The following LCORL variants were observed in gnomAD, a reference collection of about 807,000 sequenced individuals.
LCORL encodes ligand-dependent nuclear receptor corepressor-like protein.
In LCORL, 41 loss-of-function variants were observed where a neutral mutation model predicts 141.8. The ratio of observed to expected loss-of-function variants is 0.29; its 90% CI spans 0.23 to 0.38. The LOEUF is 0.38. Ranked by LOEUF, LCORL falls within the 10% of genes least tolerant of loss-of-function variation. The pLI, the probability that LCORL is intolerant of heterozygous loss-of-function variation, is 1.00. For missense variants in LCORL, 1,759 were observed against 2,035.0 expected, an observed-to-expected ratio of 0.86 and a Z score of 2.61; for synonymous variants, 618 against 694.1, an observed-to-expected ratio of 0.89 and a Z score of 1.72.
intron 2 of LCORL, among the ~76,000 whole-genome samples, chr4:17,967,830 T>A (rs11932000): frequency 0.074 from 11,314 of 152,104 alleles, 1,435 homozygotes; most frequent in African/African-American, 0.26. Context: ...TTAGTTTTAA[T>A]TGCCATTTGC....
At chr4:17,887,835 T>G (rs1015034728) in intron 5 of LCORL, among the ~76,000 whole-genome samples, 2 of 152,060 alleles carry the variant, frequency 1.3e-5, no homozygotes, top group African/African-American at 4.8e-5. Context: ...GCTATGCTAT[T>G]TCTCGTTTCT....
chr4:17,954,128 A>C (rs1039923169), intron 4 of LCORL, among the ~76,000 whole-genome samples: 1 of 152,316 alleles, frequency 6.6e-6, no homozygotes. Context: ...GCGCTACTGC[A>C]CTCCAGCCTG....
chr4:17,954,267 A>G (rs1560398240), intron 4 of LCORL, among the ~76,000 whole-genome samples: 1 of 152,230 alleles, frequency 6.6e-6, no homozygotes, highest in Non-Finnish European at 1.5e-5. Flanking sequence ...GGAGAGAGGC[A>G]ATATTTGATG....
intron 4 of LCORL, among the ~76,000 whole-genome samples, chr4:17,927,551 T>C (rs117326552): frequency 6.6e-6 from 1 of 152,322 alleles, no homozygotes; most frequent in East Asian, 1.9e-4. Context: ...TTATAGCTTT[T>C]GATTTAAAAT....
chr4:17,893,542 A>G (rs1031792110), intron 5 of LCORL: 2 of 985,230 alleles, frequency 2.0e-6, no homozygotes, highest in Admixed American at 6.1e-5. Flanking sequence ...TCTTCAGAAA[A>G]TGGTTTGGAA....
At chr4:17,892,823 A>G (rs2109257470) in intron 5 of LCORL, among the ~76,000 whole-genome samples, 1 of 152,310 alleles carries the variant, frequency 6.6e-6, no homozygotes, top group Admixed American at 6.5e-5. Flanking sequence ...AAAAGGTTTC[A>G]AGTCAGTACC....
exon 7 of LCORL, chr4:17,878,192 T>C: frequency 8.1e-7 from 1 of 1,229,624 alleles, no homozygotes; most frequent in Non-Finnish European, 1.0e-6. Context: ...TAGCTTCCTC[T>C]GATTTTGCAT....
At chr4:17,994,908 G>A (rs1042086268) in intron 1 of LCORL, among the ~76,000 whole-genome samples, 5 of 151,798 alleles carry the variant, frequency 3.3e-5, no homozygotes, top group Non-Finnish European at 7.4e-5. Context: ...CCTGGTCCAT[G>A]CTAGGCACTC....
chr4:17,982,571 T>G (rs1198744295), intron 1 of LCORL, among the ~76,000 whole-genome samples: 1 of 152,252 alleles, frequency 6.6e-6, no homozygotes, highest in East Asian at 1.9e-4. Flanking sequence ...CATGCACACC[T>G]TCTTTTGAAA....
intron 4 of LCORL, among the ~76,000 whole-genome samples, chr4:17,925,000 C>A (rs1734897396): frequency 6.6e-6 from 1 of 152,166 alleles, no homozygotes; most frequent in African/African-American, 2.4e-5. Flanking sequence ...TCACCATCAC[C>A]CCTAGTGATC....
At position 17,999,550 on chromosome 4, in the gene LCORL, G is replaced by C. The variant is rs564188131; in HGVS notation, c.154+22048C>G. Reference sequence around the variant, plus strand: ...TTATGGGACCACCCTCTTATATGTGGTCTGTTGTTGACCAAAATGTCTTTA... The same window carrying C: ...TTATGGGACCACCCTCTTATATGTGCTCTGTTGTTGACCAAAATGTCTTTA... On this transcript the variant is annotated intron_variant, in intron 1 of 7. Coordinates refer to ENST00000635767, the Ensembl canonical transcript of LCORL. Among the ~76,000 whole-genome samples, 275 of 152,182 alleles carry C rather than the reference G, an allele frequency of 1.8e-3. 1 individual carries two copies. The highest frequency in any genetic ancestry group is 6.5e-3 in the African/African-American group (268 of 41,502).
intron 1 of LCORL, among the ~76,000 whole-genome samples, chr4:17,975,718 C>G (rs140420943): frequency 3.9e-5 from 6 of 152,158 alleles, no homozygotes; most frequent in African/African-American, 1.4e-4. Flanking sequence ...GTACAAGATT[C>G]TTTGTGGTTG....
At chr4:17,945,585 C>A (rs989291602) in intron 4 of LCORL, among the ~76,000 whole-genome samples, 1 of 151,886 alleles carries the variant, frequency 6.6e-6, no homozygotes, top group Non-Finnish European at 1.5e-5. Flanking sequence ...ACAAGCATTA[C>A]AAATTTTACT....
At position 17,884,642 on chromosome 4, in the gene LCORL, T is replaced by G; in HGVS notation, c.776+1426A>C. On this transcript the variant is annotated intron_variant, in intron 6 of 7. Coordinates refer to ENST00000635767, the Ensembl canonical transcript of LCORL. This position sits in a 1 kb window ranked among gnomAD's most constrained non-coding sequence, Gnocchi z 4.4. ...AGGTATGCCATAAAGTATGCCTGCT[T>G]TATTTATGTCCAGTGCTCCAGACTG... The G allele has an allele frequency of 6.5e-7, 1 of 1,547,840 alleles. No homozygotes were observed. The highest frequency in any genetic ancestry group is 1.2e-5 in the South Asian group (1 of 83,646).
intron 4 of LCORL, among the ~76,000 whole-genome samples, chr4:17,925,865 T>G (rs1735037613): frequency 8.5e-6 from 1 of 117,812 alleles, no homozygotes; most frequent in Admixed American, 1.1e-4. Context: ...AGTGACAGAG[T>G]GAGATTCCAT....
intron 7 of LCORL, among the ~76,000 whole-genome samples, chr4:17,851,976 G>A (rs1050886872): frequency 1.3e-5 from 2 of 151,998 alleles, no homozygotes; most frequent in Admixed American, 1.3e-4. Context: ...TGTGTTCTTT[G>A]CCAATTAGTA....
chr4:17,969,268 G>A (rs140640709), intron 2 of LCORL, among the ~76,000 whole-genome samples: 120 of 152,272 alleles, frequency 7.9e-4, no homozygotes, highest in Non-Finnish European at 1.3e-3. Context: ...ACTCCAAAAA[G>A]AGAGAATAGT....
chr4:17,870,423 A>T (rs1001587705), intron 7 of LCORL, among the ~76,000 whole-genome samples: 1 of 152,138 alleles, frequency 6.6e-6, no homozygotes, highest in African/African-American at 2.4e-5. Flanking sequence ...CTCAGCTTAG[A>T]TGCAACAATG....
chr4:17,847,135 T>G (rs894768101), intron 7 of LCORL, among the ~76,000 whole-genome samples: 1 of 150,274 alleles, frequency 6.7e-6, no homozygotes, highest in Non-Finnish European at 1.5e-5. Flanking sequence ...TTTTAAATAT[T>G]ACTTATAGTC....
Sources: allele counts gnomAD v4.1 joint callset (sites outside exome capture counted in the v4.1 genomes callset), GRCh38; gene constraint gnomAD v4.1.1; non-coding constraint Gnocchi (gnomAD v3.1); transcripts MANE v1.5; gene names NCBI Gene and HGNC (gene_info 2026-07-23, HGNC 2026-07-21).